PTPRN: variants seen among roughly 807,000 people sequenced by gnomAD.
The protein encoded by PTPRN is receptor-type tyrosine-protein phosphatase-like N.
Under a neutral mutation model 108.5 loss-of-function variants are expected in PTPRN, and 70 were observed. The observed-to-expected ratio is 0.65, with a 90% CI of 0.53 to 0.79. PTPRN has a LOEUF of 0.79. Ranked by LOEUF, PTPRN falls within the 30% of genes least tolerant of loss-of-function variation. The probability of loss-of-function intolerance (pLI) is 0.00; values close to 1 mark genes in which losing one functional copy is unlikely to be tolerated. For missense variants in PTPRN, 1,136 were observed against 1,295.5 expected (o/e 0.88, Z 1.89); for synonymous variants, 496 against 524.6 (o/e 0.95, Z 0.75).
At chr2:219,299,466 C>T (rs1041714265) in intron 10 of PTPRN, 82 bp from the exon 11 acceptor site, 23 of 1,468,202 alleles carry the variant, frequency 1.6e-5, no homozygotes, top group East Asian at 6.8e-5. Context: ...GCCCTCTCCC[C>T]GTTAGAGGAT....
At chr2:219,307,880 CT>C in intron 1 of PTPRN, 38 bp from the exon 2 acceptor site, 1 of 1,601,494 alleles carries the variant, frequency 6.2e-7, no homozygotes, top group South Asian at 1.1e-5. Context: ...CAGACACCCA[CT>C]CACAGAGAAT....
At position 219,296,165 on chromosome 2, in the gene PTPRN, G is replaced by GA; in HGVS notation, c.2508+60dup. 6.3e-7 allele frequency: 1 copy of GA among 1,597,128 alleles called. No homozygotes were observed. Among genetic ancestry groups the GA allele is most frequent in the Non-Finnish European group, 8.6e-7 (1 of 1,166,198 alleles). On this transcript the variant is annotated intron_variant, in intron 18 of 22. Coordinates refer to ENST00000295718, the MANE Select transcript of PTPRN (RefSeq NM_002846.4). This position sits in a 1 kb window ranked among gnomAD's most constrained non-coding sequence, Gnocchi z 6.0. ...GCTCATTTGGTGAAGAAAACGTTAC[G>GA]AAAAGGCCATCATCTACTCTTCCCA...
In PTPRN at chr2:219,300,187, G is replaced by GTAGGGCA; in HGVS notation, c.1233_1234insTGCCCTA (p.Pro412CysfsTer11). On this transcript the variant is annotated frameshift_variant, in exon 9 of 23. Transcript: ENST00000295718. LOFTEE classifies it high-confidence loss of function. ...TCACTGGAGGTAGGGCTGGCAGTGG[G>GTAGGGCA]GTGTCCAGGCATGGGGGATGTGCGG... 6.2e-7 allele frequency: 1 copy of GTAGGGCA among 1,612,312 alleles called. No homozygotes were observed. The highest frequency in any genetic ancestry group is 8.5e-7 in the Non-Finnish European group (1 of 1,178,884).
chr2:219,307,639 T>G (rs1452253691), intron 2 of PTPRN, 82 bp from the exon 3 acceptor site: 4 of 1,467,068 alleles, frequency 2.7e-6, no homozygotes, highest in Non-Finnish European at 1.9e-6. Flanking sequence ...CTGTACTCTC[T>G]TCACTTTCTC....
chr2:219,289,910 C>A lies in PTPRN; in HGVS notation c.*316G>T. On this transcript the variant is annotated 3_prime_UTR_variant, in exon 23 of 23. Transcript: ENST00000295718. ...AGATGTTCAGGGAACTCCCAGAACC[C>A]CAGGAGAGCTACAGGAGAGCCAGGC... 1 of 346,424 alleles carries A rather than the reference C, an allele frequency of 2.9e-6. No homozygotes were observed. 21.5% of individuals were successfully genotyped at this position (346,424 alleles called of 1,614,324 possible). A position where few individuals can be genotyped will look rare whatever the true frequency, so the allele number is the denominator to read the frequency against.
chr2:219,307,972 A>G (rs1465264953), intron 1 of PTPRN, 130 bp from the exon 2 acceptor site: 10 of 857,916 alleles, frequency 1.2e-5, no homozygotes, highest in Admixed American at 9.0e-5. Context: ...TTAAGCTGGG[A>G]GGAGAGTAGG....
Position 219,296,652 on chromosome 2 carries a change from G to A in PTPRN, c.2310+97C>T. ...AGGATATCAGGCCCCACCACTCCAG[G>A]GGGTTGGTGGGGTGGCAGGTGACCA... On this transcript the variant is annotated intron_variant, in intron 16 of 22. Coordinates refer to ENST00000295718, the MANE Select transcript of PTPRN (RefSeq NM_002846.4). This position sits in a 1 kb window ranked among gnomAD's most constrained non-coding sequence, Gnocchi z 6.0. 6.5e-7 allele frequency: 1 copy of A among 1,545,310 alleles called. No individual in the cohort carries two copies. The highest frequency in any genetic ancestry group is 8.9e-7 in the Non-Finnish European group (1 of 1,125,190).
chr2:219,290,157 G>T lies in PTPRN; in HGVS notation c.*69C>A. On this transcript the variant is annotated 3_prime_UTR_variant, in exon 23 of 23. Coordinates refer to ENST00000295718, the MANE Select transcript of PTPRN (RefSeq NM_002846.4). This position sits in a 1 kb window ranked among gnomAD's most constrained non-coding sequence, Gnocchi z 4.2. Reference sequence around the variant, plus strand: ...TGGCTGGTGGGGCAGTGAGGAGTGGGTACACAGAGATGCTCACACAGGCAA... The same window carrying T: ...TGGCTGGTGGGGCAGTGAGGAGTGGTTACACAGAGATGCTCACACAGGCAA... The T allele has an allele frequency of 7.1e-7, 1 of 1,407,290 alleles. No homozygotes were observed. Among genetic ancestry groups the T allele is most frequent in the Non-Finnish European group, 1.0e-6 (1 of 993,842 alleles). The allele number at this position is 1,407,290 out of a possible 1,614,324, so 87.2% of individuals were successfully genotyped here. A position where few individuals can be genotyped will look rare whatever the true frequency, so the allele number is the denominator to read the frequency against.
rs150257928 is a variant in PTPRN at position 219,297,959 on chromosome 2, G to A, written c.1813C>T (p.Arg605Trp). Residue 605 changes from arginine (R) to tryptophan (W), a missense_variant, in exon 13 of 23, where the codon CGG (arginine) becomes TGG (tryptophan). Transcript: ENST00000295718. This position sits in a 1 kb window ranked among gnomAD's most constrained non-coding sequence, Gnocchi z 6.0. Reference protein sequence around the residue: ...AVALCVRQHARQQDKERLAAL... With the variant: ...AVALCVRQHAWQQDKERLAAL... ...GCCAGGCGCTCCTTGTCTTGCTGCC[G>A]CGCATGCTGCCGCACACACAGAGCC... 19 of 1,613,614 alleles carry A rather than the reference G, an allele frequency of 1.2e-5. No homozygotes were observed. The highest frequency in any genetic ancestry group is 6.7e-5 in the African/African-American group (5 of 74,916).
chr2:219,294,218 G>A, intron 19 of PTPRN: 1 of 471,110 alleles, frequency 2.1e-6, no homozygotes, highest in South Asian at 1.5e-5. Context: ...GAGAAAGAGG[G>A]AAGAAGGGAG....
intron 7 of PTPRN, 112 bp from the exon 8 acceptor site, chr2:219,301,089 T>C: frequency 9.5e-7 from 1 of 1,056,826 alleles, no homozygotes; most frequent in Non-Finnish European, 1.4e-6. Flanking sequence ...GCTGTGGTCT[T>C]CATCTCAGTC....
chr2:219,301,552 G>T, intron 7 of PTPRN, 36 bp downstream of exon 7: 1 of 1,586,446 alleles, frequency 6.3e-7, no homozygotes, highest in South Asian at 1.1e-5. Context: ...CATGGAGCCG[G>T]GAGATATTGG....
intron 12 of PTPRN, 115 bp downstream of exon 12, chr2:219,298,932 C>T (rs938345916): frequency 1.4e-5 from 18 of 1,280,136 alleles, no homozygotes; most frequent in Admixed American, 1.2e-4. Flanking sequence ...CGCCTCCAGC[C>T]AGCCGTGCCT....
chr2:219,306,263 A>G lies in PTPRN; in HGVS notation c.280+1181T>C, dbSNP rs375802403. ...ATAATGCTGACTACCTTAAAAATAA[A>G]TGCAGAATTCTCTCATCCTTCATTC... is the stretch of plus-strand genomic sequence containing the variant. On this transcript the variant is annotated intron_variant, in intron 3 of 22. Transcript: ENST00000295718. 8.6e-4 allele frequency among the ~76,000 whole-genome samples: 131 copies of G among 152,352 alleles called. 1 individual carries two copies. The South Asian group carries it at 0.024, about 28-fold the overall frequency.
chr2:219,307,878 C>G, intron 1 of PTPRN, 36 bp from the exon 2 acceptor site: 1 of 1,606,204 alleles, frequency 6.2e-7, no homozygotes, highest in Non-Finnish European at 8.5e-7. Flanking sequence ...CTCAGACACC[C>G]ACTCACAGAG....
At chr2:219,307,923 G>A in intron 1 of PTPRN, 81 bp from the exon 2 acceptor site, 1 of 1,340,780 alleles carries the variant, frequency 7.5e-7, no homozygotes, top group Non-Finnish European at 1.1e-6. Flanking sequence ...GGGAACGGGA[G>A]AAGCAGATGC....
chr2:219,294,247 G>C, intron 19 of PTPRN: 1 of 449,884 alleles, frequency 2.2e-6, no homozygotes, highest in Non-Finnish European at 4.7e-6. Flanking sequence ...ACAGAGAGAG[G>C]AAAGACAGGC....
intron 19 of PTPRN, chr2:219,292,248 A>G (rs1338519473): frequency 2.0e-5 from 3 of 152,984 alleles, no homozygotes; most frequent in Non-Finnish European, 4.4e-5. Flanking sequence ...CGTTATATTC[A>G]GACTTGGGGT....
At position 219,309,290 on chromosome 2, in the gene PTPRN, C is replaced by A. The variant is rs763331393; in HGVS notation, c.43G>T (p.Gly15Cys). 5.2e-6 allele frequency: 8 copies of A among 1,526,854 alleles called. No individual in the cohort carries two copies. The highest frequency in any genetic ancestry group is 2.8e-5 in the African/African-American group (2 of 71,804). 94.6% of individuals were successfully genotyped at this position (1,526,854 alleles called of 1,614,324 possible). A position where few individuals can be genotyped will look rare whatever the true frequency, so the allele number is the denominator to read the frequency against. ...RRPGGLGGSGGLRLLLCLLLL... is the reference protein window; with the variant it reads ...RRPGGLGGSGCLRLLLCLLLL... ...AGGAGGCAGAGGAGCAGCCGGAGAC[C>A]CCCGGATCCCCCGAGACCCCCAGGC... The change falls in exon 1 of 23, where the codon GGT becomes TGT. Residue 15 changes from glycine (G) to cysteine (C), a missense_variant. Coordinates refer to ENST00000295718, the MANE Select transcript of PTPRN (RefSeq NM_002846.4).
Sources: gnomAD v4.1 joint callset for allele counts (sites outside exome capture counted in the v4.1 genomes callset) on GRCh38, gnomAD v4.1.1 for gene constraint, Gnocchi (gnomAD v3.1) non-coding constraint, MANE v1.5 for transcripts, NCBI Gene and HGNC (gene_info 2026-07-23, HGNC 2026-07-21) for gene names.